Variants in AHCTF1 observed in about 807,000 individuals in gnomAD.
The protein encoded by AHCTF1 is protein ELYS.
AHCTF1 carries 24 observed loss-of-function variants against 248.4 expected under a neutral mutation model. The ratio of observed to expected loss-of-function variants is 0.10; its 90% CI spans 0.07 to 0.14. The LOEUF is 0.14. AHCTF1 is among the 10% of genes least tolerant of loss of function. The pLI is 1.00. For missense variants in AHCTF1, 2,206 were observed against 2,636.2 expected (o/e 0.84, Z 3.57); for synonymous variants, 786 against 929.8 (o/e 0.85, Z 2.81).
At chr1:246,892,806 A>G (rs1051509268) in intron 14 of AHCTF1, among the ~76,000 whole-genome samples, 2 of 97,858 alleles carry the variant, frequency 2.0e-5, no homozygotes, top group South Asian at 5.6e-4. Flanking sequence ...TAATTAAAAA[A>G]AAGATTTTTT....
chr1:246,875,652 GA>G (rs1662885095), intron 24 of AHCTF1, among the ~76,000 whole-genome samples: 1 of 151,506 alleles, frequency 6.6e-6, no homozygotes, highest in Non-Finnish European at 1.5e-5. Flanking sequence ...TCACCATGCT[GA>G]TCAGTCAGCA....
At chr1:246,892,060 G>A in intron 14 of AHCTF1, 141 bp from the exon 15 acceptor site, 3 of 992,832 alleles carry the variant, frequency 3.0e-6, no homozygotes, top group Non-Finnish European at 2.9e-6. Flanking sequence ...AGCTAGAAAT[G>A]GCAAAACCTC....
Position 246,891,780 on chromosome 1 carries a change from T to C in AHCTF1, c.1944A>G (p.Arg648=), listed in dbSNP as rs543784456. 22 of 1,608,884 alleles carry C rather than the reference T, an allele frequency of 1.4e-5. No homozygotes were observed. The African/African-American group carries it at 2.8e-4, about 21-fold the overall frequency. ...CATTTGATAAAACAAAGAGCGTACC[T>C]CTCTCAGTGATCTCTCGGGCTTCTG... ...FASEAREITE[R]GLIDLSNKFV... The change falls in exon 15 of 36, where the codon AGA becomes AGG. Residue 648 remains arginine (R), a splice_region_variant and synonymous_variant. Transcript: ENST00000648844.
At chr1:246,869,377 G>A (rs1192976356) in intron 24 of AHCTF1, among the ~76,000 whole-genome samples, 1 of 152,110 alleles carries the variant, frequency 6.6e-6, no homozygotes, top group African/African-American at 2.4e-5. Context: ...ACATGTCTAG[G>A]ACTTTAAATC....
intron 14 of AHCTF1, among the ~76,000 whole-genome samples, chr1:246,892,419 C>A (rs1160248324): frequency 1.4e-5 from 2 of 139,320 alleles, no homozygotes; most frequent in Admixed American, 8.0e-5. Context: ...CTCCCAGGTT[C>A]AAGGGATTCT....
chr1:246,878,115 G>A (rs1040068651), intron 21 of AHCTF1, among the ~76,000 whole-genome samples: 1 of 151,814 alleles, frequency 6.6e-6, no homozygotes, highest in Non-Finnish European at 1.5e-5. Context: ...TATACAGTAA[G>A]AGCCAGGCAT....
In AHCTF1 at chr1:246,889,108, G is replaced by A. The variant is rs1041633460; in HGVS notation, c.2145-591C>T. Among the ~76,000 whole-genome samples the A allele has an allele frequency of 5.3e-5, 8 of 152,210 alleles. No individual in the cohort carries two copies. In the East Asian group the frequency reaches 5.8e-4, roughly 11 times the overall value. ...ACCATATTAAGCAAACTACCATAAA[G>A]CCCAGCGTAGTGAAAATAATGAAGT... On this transcript the variant is annotated intron_variant, in intron 17 of 35. Transcript: ENST00000648844.
Position 246,853,246 on chromosome 1 carries a change from C to A in AHCTF1, c.4408G>T (p.Gly1470Cys), listed in dbSNP as rs143922986. ...AGCCTGCGCTCAGAGACAATAGGAC[C>A]TTCAGAGATAGTGAGCGAGGAGTTT... is the stretch of plus-strand genomic sequence containing the variant. The part of the protein sequence containing the change: ...GGNSSLTISE[G>C]PIVSERRLNQ... The change falls in exon 32 of 36, where the codon GGT becomes TGT. Residue 1470 changes from glycine (G) to cysteine (C), a missense_variant. Gly to Cys is a radical substitution (Grantham distance 159, BLOSUM62 -3). This residue lies in a region of AHCTF1 where 955 missense variants were observed against 1,055.6 expected (regional missense o/e 0.90). Coordinates refer to ENST00000648844, the MANE Select transcript of AHCTF1 (RefSeq NM_001323342.2). The A allele has an allele frequency of 8.4e-5, 135 of 1,613,710 alleles. No individual in the cohort carries two copies. The highest frequency in any genetic ancestry group is 2.5e-4 in the Admixed American group (15 of 59,972).
intron 21 of AHCTF1, among the ~76,000 whole-genome samples, chr1:246,882,650 T>C (rs1177193212): frequency 6.6e-6 from 1 of 152,236 alleles, no homozygotes; most frequent in Non-Finnish European, 1.5e-5. Flanking sequence ...GGAAAAATTA[T>C]GCCTATACAA....
intron 33 of AHCTF1, 94 bp downstream of exon 33, chr1:246,849,521 A>C (rs1660536561): frequency 1.3e-6 from 2 of 1,487,278 alleles, no homozygotes; most frequent in Non-Finnish European, 1.8e-6. Context: ...GAAGGGGAAA[A>C]ATTCCCTATA....
At chr1:246,917,995 T>C (rs944910897) in intron 2 of AHCTF1, among the ~76,000 whole-genome samples, 1 of 152,044 alleles carries the variant, frequency 6.6e-6, no homozygotes, top group African/African-American at 2.4e-5. Context: ...TTCCCAAACA[T>C]AGATAATACT....
At chr1:246,857,634 T>TC in intron 30 of AHCTF1, 57 bp downstream of exon 30, 1 of 1,529,354 alleles carries the variant, frequency 6.5e-7, no homozygotes, top group Admixed American at 2.0e-5. Flanking sequence ...TACTTCTGGT[T>TC]CATAATTTCA....
intron 4 of AHCTF1, among the ~76,000 whole-genome samples, chr1:246,910,380 T>C (rs1665716327): frequency 6.6e-6 from 1 of 152,200 alleles, no homozygotes; most frequent in African/African-American, 2.4e-5. Flanking sequence ...CTTTGGATAA[T>C]CACATCAATT....
At chr1:246,908,339 AG>A (rs1193584207) in intron 4 of AHCTF1, among the ~76,000 whole-genome samples, 6 of 150,220 alleles carry the variant, frequency 4.0e-5, no homozygotes, top group Non-Finnish European at 8.9e-5. Context: ...AAAAAAAAAA[AG>A]AGGGGTGGGG....
intron 29 of AHCTF1, 90 bp from the exon 30 acceptor site, chr1:246,857,904 G>T: frequency 2.4e-6 from 3 of 1,237,058 alleles, no homozygotes; most frequent in South Asian, 1.5e-5. Context: ...AAAGTTGTTG[G>T]GTCTGCTTTT....
At chr1:246,918,902 G>A (rs1214732224) in intron 1 of AHCTF1, among the ~76,000 whole-genome samples, 1 of 152,164 alleles carries the variant, frequency 6.6e-6, no homozygotes, top group Non-Finnish European at 1.5e-5. Flanking sequence ...AGTGATTGGT[G>A]TCTTTTAGAA....
At position 246,888,205 on chromosome 1, in the gene AHCTF1, C is replaced by T; in HGVS notation, c.2297G>A (p.Gly766Asp). 6 of 1,614,018 alleles carry T rather than the reference C, an allele frequency of 3.7e-6. No individual in the cohort carries two copies. Among genetic ancestry groups the T allele is most frequent in the Non-Finnish European group, 5.1e-6 (6 of 1,179,958 alleles). Residue 766 changes from glycine to aspartate, a missense_variant, in exon 19 of 36, where the codon GGC becomes GAC. Around this residue, in one of 6 missense-constraint regions of AHCTF1, gnomAD observed 650 missense variants for 870.8 expected, o/e 0.75. Transcript: ENST00000648844. ...AGAGTGTTTGGCTGCTTCAGTAACG[C>T]CGTCTAATAGGTACATATCAAGTAC... ...HAVLDMYLLD[G>D]VTEAAKHSIT...
chr1:246,880,929 T>C (rs912974514), intron 21 of AHCTF1, among the ~76,000 whole-genome samples: 2 of 152,154 alleles, frequency 1.3e-5, no homozygotes, highest in African/African-American at 2.4e-5. Flanking sequence ...GTAAAAGACA[T>C]AGAAGTCATT....
rs181863748 is a variant in AHCTF1, at chr1:246,893,369, T to C, written c.1804+1290A>G. On this transcript the variant is annotated intron_variant, in intron 14 of 35. Coordinates refer to ENST00000648844, the MANE Select transcript of AHCTF1 (RefSeq NM_001323342.2). ...TTAAAAATCCTCTACTAAGAATAAC[T>C]TAACTTACATTGTGAAAAGCTATCT... Among the ~76,000 whole-genome samples the C allele has an allele frequency of 1.5e-3, 235 of 152,344 alleles. 2 individuals are homozygous for C. Among genetic ancestry groups the C allele is most frequent in the South Asian group, 0.013 (62 of 4,826 alleles).
Sources: allele counts gnomAD v4.1 joint callset (sites outside exome capture counted in the v4.1 genomes callset), GRCh38; gene constraint gnomAD v4.1.1; regional missense constraint gnomAD v4.1.1; transcripts MANE v1.5; gene names NCBI Gene and HGNC (gene_info 2026-07-23, HGNC 2026-07-21).